VWDE: variants seen among roughly 807,000 people sequenced by gnomAD.
VWDE encodes von Willebrand factor D and EGF domains, also known as von Willebrand factor D and EGF domain-containing protein.
VWDE carries 207 observed loss-of-function variants against 178.4 expected under a neutral mutation model. The observed-to-expected ratio is 1.16, with a 90% CI of 1.04 to 1.30. The LOEUF (loss-of-function observed/expected upper bound fraction) is 1.30. Among genes scored for constraint, VWDE ranks in the 50% most tolerant of loss-of-function variants. The pLI is 0.00. For synonymous variants in VWDE, 738 were observed against 651.4 expected (o/e 1.13, Z -2.02); for missense variants, 2,287 against 1,901.3 (o/e 1.20, Z -3.77).
chr7:12,391,137 A>G (rs1784370967), intron 2 of VWDE, among the ~76,000 whole-genome samples: 2 of 152,222 alleles, frequency 1.3e-5, no homozygotes, highest in Non-Finnish European at 2.9e-5. Context: ...ATATAACATG[A>G]ACATTACGAA....
chr7:12,346,853 G>C (rs963091852), intron 19 of VWDE, among the ~76,000 whole-genome samples: 1 of 152,078 alleles, frequency 6.6e-6, no homozygotes, highest in East Asian at 1.9e-4. Context: ...AACACTTAAT[G>C]CTTCTCAAAG....
At position 12,344,367 on chromosome 7, in the gene VWDE, T is replaced by C. The variant is rs370930703; in HGVS notation, c.3982+7A>G. 1.4e-5 allele frequency: 21 copies of C among 1,550,586 alleles called. No individual in the cohort carries two copies. Among genetic ancestry groups the C allele is most frequent in the East Asian group, 4.9e-5 (2 of 40,874 alleles). On this transcript the variant is annotated splice_region_variant and intron_variant, in intron 20 of 28. Coordinates refer to ENST00000275358, the MANE Select transcript of VWDE (RefSeq NM_001135924.3). ...TATCATGCAAACTAATGAATGATGT[T>C]ACCTACCAGTTTGGCAGTTAGAACC...
intron 4 of VWDE, among the ~76,000 whole-genome samples, chr7:12,383,322 A>C (rs188237697): frequency 4.1e-4 from 62 of 152,238 alleles, no homozygotes; most frequent in African/African-American, 1.4e-3. Context: ...GATTCTACTA[A>C]TACACACACG....
At chr7:12,372,325 T>C (rs889288359) in intron 10 of VWDE, among the ~76,000 whole-genome samples, 2 of 152,070 alleles carry the variant, frequency 1.3e-5, no homozygotes, top group African/African-American at 4.8e-5. Flanking sequence ...TTCAAATATA[T>C]AACATATTTT....
In VWDE at chr7:12,369,635, G is replaced by A. The variant is rs1276003279; in HGVS notation, c.2671C>T (p.Pro891Ser). 18 of 1,551,412 alleles carry A rather than the reference G, an allele frequency of 1.2e-5. No individual in the cohort carries two copies. The highest frequency in any genetic ancestry group is 7.9e-5 in the Admixed American group (4 of 50,952). ...IEDILSVLKC[P>S]NLCSGNGQCM... is the part of the protein sequence containing the mutation. Reference sequence around the variant, plus strand: ...TGCCCATTGCCGCTGCATAAATTGGGGCATTTTAATACTGAGAGAATGTCT... The same window carrying A: ...TGCCCATTGCCGCTGCATAAATTGGAGCATTTTAATACTGAGAGAATGTCT... Residue 891 changes from proline to serine, a missense_variant, in exon 12 of 29, where the codon CCC (proline) becomes TCC (serine). Pro to Ser is a moderately conservative substitution (Grantham distance 74). Coordinates refer to ENST00000275358, the MANE Select transcript of VWDE (RefSeq NM_001135924.3).
chr7:12,356,041 TTAAG>T (rs1782223558), intron 18 of VWDE, 66 bp downstream of exon 18: 4 of 1,242,898 alleles, frequency 3.2e-6, no homozygotes, highest in Admixed American at 2.5e-5. Context: ...ACACATTTGC[TTAAG>T]TAATCTGTAG....
chr7:12,388,926 G>A, intron 3 of VWDE: 1 of 706,556 alleles, frequency 1.4e-6, no homozygotes, highest in Non-Finnish European at 2.6e-6. Context: ...GCTTTCACGT[G>A]TGGGGGGACT....
chr7:12,373,134 C>T lies in VWDE; in HGVS notation c.1430G>A (p.Cys477Tyr). The T allele has an allele frequency of 6.4e-7, 1 of 1,551,384 alleles. No homozygotes were observed. Among genetic ancestry groups the T allele is most frequent in the South Asian group, 1.2e-5 (1 of 84,050 alleles). Residue 477 changes from cysteine to tyrosine, a missense_variant, in exon 10 of 29, where the codon TGT becomes TAT. Transcript: ENST00000275358. ...DCRSLHYPVS[C>Y]NCGFVAQEGG... The stretch of plus-strand genomic sequence containing the variant: ...TTCCTGGGCAACAAACCCACAATTA[C>T]ATGACACTGGATAGTGAAGGCTTCT...
intron 1 of VWDE, among the ~76,000 whole-genome samples, chr7:12,400,681 A>G: frequency 6.7e-6 from 1 of 149,410 alleles, no homozygotes; most frequent in African/African-American, 2.4e-5. Flanking sequence ...AAGATGGAAC[A>G]CTTTCCACCT....
rs1782456893 is a variant in VWDE, at chr7:12,359,568, A to G, written c.3274+10T>C. 6 of 1,492,516 alleles carry G rather than the reference A, an allele frequency of 4.0e-6. No individual in the cohort carries two copies. Among genetic ancestry groups the G allele is most frequent in the Non-Finnish European group, 4.6e-6 (5 of 1,096,802 alleles). The allele number at this position is 1,492,516 out of a possible 1,614,324, so 92.5% of individuals were successfully genotyped here. A position where few individuals can be genotyped will look rare whatever the true frequency, so the allele number is the denominator to read the frequency against. The stretch of plus-strand genomic sequence containing the variant: ...ATAGGAAATATTTGGATTAATAAAG[A>G]GTAACTTACTTTCTAAAAATGACCA... On this transcript the variant is annotated intron_variant, in intron 16 of 28. Transcript: ENST00000275358.
At chr7:12,374,326 T>C (rs1321895848) in intron 9 of VWDE, among the ~76,000 whole-genome samples, 1 of 152,074 alleles carries the variant, frequency 6.6e-6, no homozygotes, top group Non-Finnish European at 1.5e-5. Flanking sequence ...TGTTTAATCA[T>C]TTTGCCTAAA....
chr7:12,373,208 A>T lies in VWDE; in HGVS notation c.1356T>A (p.Tyr452Ter), dbSNP rs1373348711. The change falls in exon 10 of 29, where the codon TAT (tyrosine) becomes TAA (stop). Residue 452 changes from tyrosine to a stop codon, truncating the protein, a stop_gained. Transcript: ENST00000275358. LOFTEE classifies it high-confidence loss of function. ...CTTCAAAATCACGTGACATACTCTT[A>T]TAAAGCACAAATGTTCCAGTCTTGA... The part of the protein sequence containing the change: ...DNFKTGTFVL[Y>*]KSMSRDFEVH... 1 of 1,551,286 alleles carries T rather than the reference A, an allele frequency of 6.4e-7. No individual in the cohort carries two copies. The highest frequency in any genetic ancestry group is 1.4e-5 in the African/African-American group (1 of 73,030).
At chr7:12,384,678 T>C (rs1230659599) in intron 3 of VWDE, among the ~76,000 whole-genome samples, 3 of 152,124 alleles carry the variant, frequency 2.0e-5, no homozygotes, top group Non-Finnish European at 2.9e-5. Flanking sequence ...CAGTTGGTTT[T>C]ATGCCAGTTC....
chr7:12,332,786 T>C (rs116662981), intron 28 of VWDE, among the ~76,000 whole-genome samples: 2,834 of 152,264 alleles, frequency 0.019, 81 homozygotes, highest in African/African-American at 0.064. Context: ...CCAAGCCAAA[T>C]TGATCCATAT....
chr7:12,344,191 T>C lies in VWDE; in HGVS notation c.4078+4A>G, dbSNP rs1781476618. 6.5e-7 allele frequency: 1 copy of C among 1,550,066 alleles called. No homozygotes were observed. Among genetic ancestry groups the C allele is most frequent in the South Asian group, 1.2e-5 (1 of 83,910 alleles). On this transcript the variant is annotated splice_donor_region_variant and intron_variant, in intron 21 of 28. Coordinates refer to ENST00000275358, the MANE Select transcript of VWDE (RefSeq NM_001135924.3). Reference sequence around the variant, plus strand: ...TATATTTGATTTTTAATTTGAATTATCACCTTCATCACAGGTTGCTCCACC... The same window carrying C: ...TATATTTGATTTTTAATTTGAATTACCACCTTCATCACAGGTTGCTCCACC...
Position 12,370,720 on chromosome 7 carries a change from CA to C in VWDE, c.1731del (p.His577GlnfsTer38). The C allele has an allele frequency of 6.4e-7, 1 of 1,551,116 alleles. No individual in the cohort carries two copies. Among genetic ancestry groups the C allele is most frequent in the Non-Finnish European group, 8.7e-7 (1 of 1,146,680 alleles). On this transcript the variant is annotated frameshift_variant, in exon 11 of 29. Coordinates refer to ENST00000275358, the MANE Select transcript of VWDE (RefSeq NM_001135924.3). LOFTEE classifies it high-confidence loss of function. ...TGATCAATTTGCATCCCATTTTTGT[CA>C]TGGAAATCATTTTCCGGATTTTCAT... ...TFDENPENDF[H>X]DKNGMQIDQN...
At position 12,369,903 on chromosome 7, in the gene VWDE, G is replaced by A; in HGVS notation, c.2403C>T (p.Leu801=). The A allele has an allele frequency of 1.3e-6, 2 of 1,551,486 alleles. No individual in the cohort carries two copies. The highest frequency in any genetic ancestry group is 8.7e-7 in the Non-Finnish European group (1 of 1,146,896). ...AGAGGGTCAAGGTGCTATACTCGGT[G>A]AGGCCAGAGGGAGTGGGCCAAGAGG... ...FFPSWPTPSG[L]TEYSTLTLCQ... The change falls in exon 12 of 29, where the codon CTC becomes CTT. Residue 801 remains leucine, a synonymous_variant. Coordinates refer to ENST00000275358, the MANE Select transcript of VWDE (RefSeq NM_001135924.3).
At chr7:12,334,279 A>G (rs1412289692) in intron 27 of VWDE, among the ~76,000 whole-genome samples, 1 of 152,232 alleles carries the variant, frequency 6.6e-6, no homozygotes, top group East Asian at 1.9e-4. Flanking sequence ...ATTGCTTTAA[A>G]TTTTGTTTTT....
At chr7:12,399,659 C>T (rs1180349218) in intron 1 of VWDE, among the ~76,000 whole-genome samples, 1 of 152,010 alleles carries the variant, frequency 6.6e-6, no homozygotes, top group Non-Finnish European at 1.5e-5. Flanking sequence ...AATAGACAAT[C>T]CGCTAGACAA....
Sources: allele counts gnomAD v4.1 joint callset (sites outside exome capture counted in the v4.1 genomes callset), GRCh38; gene constraint gnomAD v4.1.1; transcripts MANE v1.5; gene names NCBI Gene and HGNC (gene_info 2026-07-23, HGNC 2026-07-21).